Variants in UBE2Q1 observed in about 807,000 individuals in gnomAD.
UBE2Q1 encodes the protein ubiquitin conjugating enzyme E2 Q1.
UBE2Q1 carries 6 observed loss-of-function variants against 60.1 expected under a neutral mutation model. The ratio of observed to expected loss-of-function variants is 0.10; its 90% CI spans 0.05 to 0.20. The LOEUF is 0.20. UBE2Q1 is among the 10% of genes least tolerant of loss of function. The probability of loss-of-function intolerance (pLI) is 1.00; values close to 1 mark genes in which losing one functional copy is unlikely to be tolerated. For missense variants in UBE2Q1, 262 were observed against 525.8 expected (o/e 0.50, Z 4.91); for synonymous variants, 226 against 208.3 (o/e 1.09, Z -0.73).
intron 1 of UBE2Q1, 34 bp from the exon 2 acceptor site, chr1:154,555,998 TG>T (rs1247459182): frequency 6.3e-7 from 1 of 1,595,220 alleles, no homozygotes; most frequent in Non-Finnish European, 8.6e-7. Flanking sequence ...GCAATCAAAA[TG>T]GGTGACTCTG....
chr1:154,557,764 G>A (rs1357351243), intron 1 of UBE2Q1, among the ~76,000 whole-genome samples: 2 of 152,202 alleles, frequency 1.3e-5, no homozygotes, highest in Non-Finnish European at 2.9e-5. Flanking sequence ...GGATCCCACA[G>A]GTGGCAACCT....
chr1:154,553,982 G>A (rs981746223), intron 4 of UBE2Q1, among the ~76,000 whole-genome samples: 1 of 152,228 alleles, frequency 6.6e-6, no homozygotes, highest in Non-Finnish European at 1.5e-5. Flanking sequence ...GGAAATAAAA[G>A]TAATCAGAGT....
intron 4 of UBE2Q1, 82 bp from the exon 5 acceptor site, chr1:154,553,254 C>G (rs1695823817): frequency 6.5e-7 from 1 of 1,529,104 alleles, no homozygotes; most frequent in African/African-American, 1.4e-5. Context: ...CTTCCCAGTC[C>G]CATTTGGCGA....
chr1:154,552,466 TG>T lies in UBE2Q1; in HGVS notation c.815-3del, dbSNP rs756075808. On this transcript the variant is annotated splice_polypyrimidine_tract_variant and splice_region_variant and intron_variant, in intron 6 of 12. Transcript: ENST00000292211. ...TCACGAGTTCGACTGCATAGTTTCC[TG>T]GAAGGAGGGAAAAAACAGGTGTTAG... 2.5e-6 allele frequency: 4 copies of T among 1,614,054 alleles called. No homozygotes were observed. The African/African-American group carries it at 5.3e-5, about 22-fold the overall frequency.
intron 1 of UBE2Q1, 47 bp downstream of exon 1, chr1:154,558,180 T>A: frequency 7.0e-7 from 1 of 1,432,054 alleles, no homozygotes; most frequent in Non-Finnish European, 9.3e-7. Context: ...TGATCCTGGG[T>A]CCCTGACAAG....
At chr1:154,552,928 G>T in intron 5 of UBE2Q1, 104 bp downstream of exon 5, 1 of 1,584,986 alleles carries the variant, frequency 6.3e-7, no homozygotes, top group Non-Finnish European at 8.6e-7. Flanking sequence ...AAAGGATTAG[G>T]CACAAAAAAG....
Position 154,548,788 on chromosome 1 carries a change from T to TATCTC in UBE2Q1, c.*1645_*1649dup, listed in dbSNP as rs1695742807. 1 of 152,620 alleles carries TATCTC rather than the reference T, an allele frequency of 6.6e-6. No homozygotes were observed. Among genetic ancestry groups the TATCTC allele is most frequent in the Non-Finnish European group, 1.5e-5 (1 of 68,040 alleles). The allele number at this position is 152,620 out of a possible 1,614,324, so 9.5% of individuals were successfully genotyped here. On this transcript the variant is annotated 3_prime_UTR_variant, in exon 13 of 13. Transcript: ENST00000292211. ...GAATTTTCCCCTTATGTCCCGTCTT[T>TATCTC]ATCTCAACCTCAGCATGTTTTATTA... is the stretch of plus-strand genomic sequence containing the variant.
chr1:154,552,855 C>A lies in UBE2Q1; in HGVS notation c.730-35G>T, dbSNP rs1225362603. 2.5e-6 allele frequency: 4 copies of A among 1,611,780 alleles called. No homozygotes were observed. The South Asian group carries it at 3.3e-5, about 13-fold the overall frequency. On this transcript the variant is annotated intron_variant, in intron 5 of 12. Coordinates refer to ENST00000292211, the MANE Select transcript of UBE2Q1 (RefSeq NM_017582.7). ...ACGGATGACAGGAACATTCCTTGGTCGTGTGGTTTATAAACACACGTTAGA... is the reference window on the plus strand; with the variant it reads ...ACGGATGACAGGAACATTCCTTGGTAGTGTGGTTTATAAACACACGTTAGA...
intron 12 of UBE2Q1, 66 bp downstream of exon 12, chr1:154,550,872 T>C (rs1695780967): frequency 6.2e-7 from 1 of 1,613,200 alleles, no homozygotes; most frequent in Non-Finnish European, 8.5e-7. Context: ...TCTTGCTCTG[T>C]GGCTGGAAGT....
chr1:154,555,030 C>T, intron 3 of UBE2Q1: 1 of 537,844 alleles, frequency 1.9e-6, no homozygotes. Flanking sequence ...TCTCTGTCAC[C>T]CACCTCCTAA....
intron 4 of UBE2Q1, among the ~76,000 whole-genome samples, chr1:154,553,973 G>A (rs1365797396): frequency 1.3e-5 from 2 of 152,184 alleles, no homozygotes; most frequent in African/African-American, 4.8e-5. Context: ...CTAATGCTAG[G>A]AAATAAAAGT....
At chr1:154,550,811 G>A (rs1695779796) in intron 12 of UBE2Q1, 127 bp downstream of exon 12, 2 of 1,567,148 alleles carry the variant, frequency 1.3e-6, no homozygotes, top group East Asian at 4.5e-5. Flanking sequence ...GAGAACTGGG[G>A]CAGGTGCTGT....
intron 1 of UBE2Q1, among the ~76,000 whole-genome samples, chr1:154,557,665 G>A (rs1190377141): frequency 6.6e-6 from 1 of 152,176 alleles, no homozygotes; most frequent in Non-Finnish European, 1.5e-5. Flanking sequence ...GAATCCAAAG[G>A]AGAGAAGGAA....
rs780408010 is a variant in UBE2Q1, at chr1:154,551,014, G to C, written c.1171-10C>G. ...TCAGACTGTATTGAGACTGGGGAGA[G>C]GAAGCCACCAGATCAGGCCATGGCT... is the stretch of plus-strand genomic sequence containing the variant. On this transcript the variant is annotated splice_polypyrimidine_tract_variant and intron_variant, in intron 11 of 12. Transcript: ENST00000292211. 6.2e-7 allele frequency: 1 copy of C among 1,613,950 alleles called. No homozygotes were observed. The highest frequency in any genetic ancestry group is 1.3e-5 in the African/African-American group (1 of 74,902).
chr1:154,552,279 C>T, intron 7 of UBE2Q1, 96 bp from the exon 8 acceptor site: 1 of 1,591,164 alleles, frequency 6.3e-7, no homozygotes. Context: ...CACGAAACCA[C>T]TGCCCACACC....
intron 3 of UBE2Q1, 110 bp from the exon 4 acceptor site, chr1:154,554,895 T>A: frequency 9.0e-7 from 1 of 1,117,100 alleles, no homozygotes; most frequent in Non-Finnish European, 1.3e-6. Context: ...CGCCTGCCTG[T>A]AATGCTGCCA....
intron 10 of UBE2Q1, 32 bp downstream of exon 10, chr1:154,551,739 C>A: frequency 6.2e-7 from 1 of 1,614,108 alleles, no homozygotes; most frequent in Non-Finnish European, 8.5e-7. Flanking sequence ...CCCGCCCAGG[C>A]CGGCCTGGCC....
At chr1:154,552,696 G>T in intron 6 of UBE2Q1, 40 bp downstream of exon 6, 1 of 1,600,068 alleles carries the variant, frequency 6.2e-7, no homozygotes, top group South Asian at 1.1e-5. Context: ...CCTTCTTTAT[G>T]GGTGACTCTT....
rs182217226 is a variant in UBE2Q1 at position 154,557,481 on chromosome 1, A to G, written c.327+746T>C. 9.2e-5 allele frequency among the ~76,000 whole-genome samples: 14 copies of G among 152,324 alleles called. No individual in the cohort carries two copies. In the East Asian group the frequency reaches 2.5e-3, roughly 27 times the overall value. ...ATGACGCTCACAGGGGAGAAATGCAACTGTTACTGCTTAGAATAAATGGGG... is the reference window on the plus strand; with the variant it reads ...ATGACGCTCACAGGGGAGAAATGCAGCTGTTACTGCTTAGAATAAATGGGG... On this transcript the variant is annotated intron_variant, in intron 1 of 12. Coordinates refer to ENST00000292211, the MANE Select transcript of UBE2Q1 (RefSeq NM_017582.7).
Sources: gnomAD v4.1 joint callset for allele counts (sites outside exome capture counted in the v4.1 genomes callset) on GRCh38, gnomAD v4.1.1 for gene constraint, MANE v1.5 for transcripts, NCBI Gene and HGNC (gene_info 2026-07-23, HGNC 2026-07-21) for gene names.